The following RALA variants were observed in gnomAD, a reference collection of about 807,000 sequenced individuals.
The protein encoded by RALA is ras-related protein Ral-A.
RALA carries 5 observed loss-of-function variants against 24.0 expected under a neutral mutation model. The ratio of observed to expected loss-of-function variants is 0.21; its 90% CI spans 0.11 to 0.44. The LOEUF (loss-of-function observed/expected upper bound fraction) is 0.44. RALA is among the 20% of genes least tolerant of loss of function. The pLI is 0.99. For synonymous variants in RALA, 77 were observed against 83.8 expected, an observed-to-expected ratio of 0.92 and a Z score of 0.44; for missense variants, 95 against 241.2, an observed-to-expected ratio of 0.39 and a Z score of 4.01.
At chr7:39,703,725 A>G (rs898431135) in intron 4 of RALA, among the ~76,000 whole-genome samples, 19 of 152,246 alleles carry the variant, frequency 1.2e-4, no homozygotes, top group African/African-American at 4.3e-4. Context: ...CAAATTTAAC[A>G]TTACAAATGT....
rs778053373 is a variant in RALA at position 39,706,290 on chromosome 7, T to C, written c.*45T>C. The stretch of plus-strand genomic sequence containing the variant: ...CTTATCTTGACCATACTAATAAATA[T>C]AATTTATAAGCATTGCCATTGAAGG... On this transcript the variant is annotated 3_prime_UTR_variant, in exon 5 of 5. Coordinates refer to ENST00000005257, the MANE Select transcript of RALA (RefSeq NM_005402.4). The C allele has an allele frequency of 1.3e-6, 2 of 1,550,376 alleles. No homozygotes were observed. The highest frequency in any genetic ancestry group is 1.7e-6 in the Non-Finnish European group (2 of 1,151,708).
At chr7:39,636,522 T>G (rs1023929505) in intron 1 of RALA, among the ~76,000 whole-genome samples, 1 of 152,222 alleles carries the variant, frequency 6.6e-6, no homozygotes, top group African/African-American at 2.4e-5. Context: ...TCTCTAAGTT[T>G]GAGGTCCAGT....
At chr7:39,628,363 G>A (rs933758648) in intron 1 of RALA, among the ~76,000 whole-genome samples, 1 of 143,250 alleles carries the variant, frequency 7.0e-6, no homozygotes, top group African/African-American at 2.7e-5. Context: ...GCAGTCCACA[G>A]TAACCTCATA....
At chr7:39,662,823 G>A (rs554214897) in intron 1 of RALA, among the ~76,000 whole-genome samples, 6 of 152,116 alleles carry the variant, frequency 3.9e-5, no homozygotes, top group Admixed American at 1.3e-4. Context: ...GTATCTTTAC[G>A]ACAGCACCCC....
At chr7:39,650,010 A>G (rs142733189) in intron 1 of RALA, among the ~76,000 whole-genome samples, 4,308 of 152,314 alleles carry the variant, frequency 0.028, 92 homozygotes, top group Middle Eastern at 0.092. Context: ...GAATAAAAGG[A>G]ACAGAATTGG....
intron 3 of RALA, 35 bp downstream of exon 3, chr7:39,690,625 A>G (rs375503554): frequency 1.3e-4 from 194 of 1,487,940 alleles, no homozygotes; most frequent in Middle Eastern, 7.1e-4. Flanking sequence ...CTTGTGACAT[A>G]CTATACAACA....
In RALA at chr7:39,662,331, A is replaced by G. The variant is rs573846789; in HGVS notation, c.-37-24300A>G. On this transcript the variant is annotated intron_variant, in intron 1 of 4. Transcript: ENST00000005257. The stretch of plus-strand genomic sequence containing the variant: ...AACATTTGGCTCCGCAGATTTCTGC[A>G]GACGGCTTGAATTACTCCTCAGAAA... Among the ~76,000 whole-genome samples the G allele has an allele frequency of 5.9e-5, 9 of 152,314 alleles. No homozygotes were observed. The East Asian group carries it at 1.7e-3, about 29-fold the overall frequency.
Position 39,707,227 on chromosome 7 carries a change from A to G in RALA, c.*982A>G, listed in dbSNP as rs1793134254. ...CCCTTTCTGCTAGTGGTGAGCATGT[A>G]AGTGTTAAGTTTTTAATCTGGGAGC... On this transcript the variant is annotated 3_prime_UTR_variant, in exon 5 of 5. Transcript: ENST00000005257. 1 of 152,178 alleles carries G rather than the reference A, an allele frequency of 6.6e-6. No individual in the cohort carries two copies. Among genetic ancestry groups the G allele is most frequent in the African/African-American group, 2.4e-5 (1 of 41,430 alleles). 9.4% of individuals were successfully genotyped at this position (152,178 alleles called of 1,614,324 possible). A position where few individuals can be genotyped will look rare whatever the true frequency, so the allele number is the denominator to read the frequency against.
chr7:39,665,446 A>T (rs141769785), intron 1 of RALA, among the ~76,000 whole-genome samples: 31 of 152,210 alleles, frequency 2.0e-4, no homozygotes, highest in African/African-American at 6.7e-4. Context: ...TTTGTAGTTA[A>T]GTTTTGGGGG....
chr7:39,698,917 T>C (rs1018204242), intron 4 of RALA, among the ~76,000 whole-genome samples: 1 of 152,058 alleles, frequency 6.6e-6, no homozygotes, highest in Non-Finnish European at 1.5e-5. Flanking sequence ...GTCTCACTTA[T>C]AAAAAGGGAA....
At chr7:39,639,746 A>G (rs1243172346) in intron 1 of RALA, among the ~76,000 whole-genome samples, 1 of 152,038 alleles carries the variant, frequency 6.6e-6, no homozygotes, top group Admixed American at 6.6e-5. Flanking sequence ...AGGCTCTTGG[A>G]TGGTGAGAGC....
intron 1 of RALA, among the ~76,000 whole-genome samples, chr7:39,628,578 C>T (rs959467709): frequency 7.2e-5 from 11 of 152,270 alleles, no homozygotes; most frequent in African/African-American, 1.4e-4. Flanking sequence ...TTTTTTGAGA[C>T]GGAGTCTCGC....
chr7:39,636,255 C>T (rs1314935714), intron 1 of RALA, among the ~76,000 whole-genome samples: 1 of 152,122 alleles, frequency 6.6e-6, no homozygotes, highest in Non-Finnish European at 1.5e-5. Flanking sequence ...CGTATAATAA[C>T]TCCCATGTTT....
intron 1 of RALA, among the ~76,000 whole-genome samples, chr7:39,650,100 A>G (rs1240010957): frequency 6.6e-6 from 1 of 152,190 alleles, no homozygotes; most frequent in Admixed American, 6.5e-5. Context: ...ATTTGAATCC[A>G]GTAGAGAGGA....
At chr7:39,681,884 A>G (rs1399983182) in intron 1 of RALA, among the ~76,000 whole-genome samples, 1 of 152,220 alleles carries the variant, frequency 6.6e-6, no homozygotes, top group Non-Finnish European at 1.5e-5. Context: ...TTTCTTTCCC[A>G]GACCTATTCC....
intron 1 of RALA, among the ~76,000 whole-genome samples, chr7:39,673,120 G>A (rs890969042): frequency 2.0e-5 from 3 of 152,014 alleles, no homozygotes; most frequent in Admixed American, 6.6e-5. Context: ...CTTGAGAGAC[G>A]GAGGTTGCAG....
intron 4 of RALA, among the ~76,000 whole-genome samples, chr7:39,704,159 C>CA (rs796540060): frequency 0.055 from 6,383 of 116,850 alleles, 169 homozygotes; most frequent in Non-Finnish European, 0.063. Flanking sequence ...GAGACTCTCT[C>CA]AAAAAAAAAA....
intron 1 of RALA, among the ~76,000 whole-genome samples, chr7:39,674,871 T>A (rs1792452757): frequency 2.8e-5 from 4 of 142,404 alleles, no homozygotes. Context: ...TTGCCCAGGC[T>A]GGAGTACAGT....
intron 1 of RALA, among the ~76,000 whole-genome samples, chr7:39,679,911 A>G (rs933215101): frequency 6.6e-6 from 1 of 152,036 alleles, no homozygotes; most frequent in Admixed American, 6.6e-5. Context: ...TGGCTTCACT[A>G]TGTTGGCCAG....
Sources: allele counts gnomAD v4.1 joint callset (sites outside exome capture counted in the v4.1 genomes callset), GRCh38; gene constraint gnomAD v4.1.1; transcripts MANE v1.5; gene names NCBI Gene and HGNC (gene_info 2026-07-23, HGNC 2026-07-21).